Variants in KIF21B observed in about 807,000 individuals in gnomAD.
KIF21B encodes the protein kinesin family member 21B, also known as kinesin-like protein KIF21B.
Under a neutral mutation model 192.9 loss-of-function variants are expected in KIF21B, and 85 were observed. The ratio of observed to expected loss-of-function variants is 0.44; its 90% CI spans 0.37 to 0.53. The LOEUF is 0.53. Ranked by LOEUF, KIF21B falls within the 20% of genes least tolerant of loss-of-function variation. The pLI is 0.00. For missense variants in KIF21B, 1,716 were observed against 2,194.8 expected (o/e 0.78, Z 4.36); for synonymous variants, 832 against 884.6 (o/e 0.94, Z 1.05).
At position 201,002,299 on chromosome 1, in the gene KIF21B, G is replaced by C; in HGVS notation, c.1264C>G (p.Arg422Gly). ...DGAEGYSDLF[R>G]ENAMLQKENG... ...TCCTTCTGTAGCATGGCATTCTCTC[G>C]GAACAGATCACTATAGCCCTCAGCG... Residue 422 changes from arginine (R) to glycine (G), a missense_variant, in exon 9 of 35, where the codon CGA (arginine) becomes GGA (glycine). Arg to Gly is a moderately radical substitution (Grantham distance 125, BLOSUM62 -2). This residue lies in a region of KIF21B where 1,087 missense variants were observed against 1,316.6 expected (regional missense o/e 0.83). Coordinates refer to ENST00000461742, the MANE Select transcript of KIF21B (RefSeq NM_001252102.2). The C allele has an allele frequency of 1.2e-6, 2 of 1,614,160 alleles. No individual in the cohort carries two copies. Among genetic ancestry groups the C allele is most frequent in the Non-Finnish European group, 1.7e-6 (2 of 1,180,022 alleles).
chr1:201,023,267 GC>G lies in KIF21B; in HGVS notation c.41+75del. On this transcript the variant is annotated intron_variant, in intron 1 of 34. Transcript: ENST00000461742. The surrounding 1 kb of genome is among the most constrained non-coding windows in gnomAD (Gnocchi z 5.9). ...AGGCTCCAGCCCAAGCGGTGCTCGCGCCCCCCGCCCAAAGCCCACGCGAGAC... is the reference window on the plus strand; with the variant it reads ...AGGCTCCAGCCCAAGCGGTGCTCGCGCCCCCGCCCAAAGCCCACGCGAGAC... The G allele has an allele frequency of 1.2e-5, 16 of 1,317,726 alleles. No individual in the cohort carries two copies. The highest frequency in any genetic ancestry group is 5.9e-5 in the East Asian group (2 of 33,854). The allele number at this position is 1,317,726 out of a possible 1,614,324, so 81.6% of individuals were successfully genotyped here.
intron 15 of KIF21B, 115 bp downstream of exon 15, chr1:200,996,081 G>T: frequency 9.5e-7 from 1 of 1,056,740 alleles, no homozygotes. Flanking sequence ...TTAATGCTGT[G>T]TGTTGAGAAG....
intron 34 of KIF21B, chr1:200,974,014 C>T (rs772739491): frequency 6.4e-7 from 1 of 1,564,948 alleles, no homozygotes; most frequent in Non-Finnish European, 8.7e-7. Flanking sequence ...CGTTAAGAAG[C>T]AGCTCAGATC....
chr1:200,972,031 G>A lies in KIF21B; in HGVS notation c.*1490C>T, dbSNP rs905688499. The A allele has an allele frequency of 7.1e-6, 1 of 141,180 alleles. No homozygotes were observed. The highest frequency in any genetic ancestry group is 1.5e-5 in the Non-Finnish European group (1 of 64,788). 8.7% of individuals were successfully genotyped at this position (141,180 alleles called of 1,614,324 possible). A position where few individuals can be genotyped will look rare whatever the true frequency, so the allele number is the denominator to read the frequency against. ...GGAAGCACAAGACCAGCGATGCAAC[G>A]GAAAAACAGGGTGGGCAACTTTGGG... On this transcript the variant is annotated 3_prime_UTR_variant, in exon 35 of 35. Coordinates refer to ENST00000461742, the MANE Select transcript of KIF21B (RefSeq NM_001252102.2).
At chr1:200,989,892 G>A in intron 21 of KIF21B, 50 bp downstream of exon 21, 1 of 1,427,460 alleles carries the variant, frequency 7.0e-7, no homozygotes, top group Non-Finnish European at 9.9e-7. Context: ...GTATATCACA[G>A]AGGCATCTGT....
chr1:201,000,882 C>T lies in KIF21B; in HGVS notation c.1403-102G>A, dbSNP rs1337505383. 8 of 1,167,866 alleles carry T rather than the reference C, an allele frequency of 6.9e-6. No homozygotes were observed. The highest frequency in any genetic ancestry group is 5.0e-5 in the South Asian group (4 of 80,336). The allele number at this position is 1,167,866 out of a possible 1,614,324, so 72.3% of individuals were successfully genotyped here. ...CAGCACTTTGGGAGGCCAAGGCGGG[C>T]GGATCACCTGAGGCTGGGAGTTCGA... On this transcript the variant is annotated intron_variant, in intron 9 of 34. Transcript: ENST00000461742. This position sits in a 1 kb window ranked among gnomAD's most constrained non-coding sequence, Gnocchi z 6.0.
At chr1:200,979,448 G>A in intron 30 of KIF21B, 87 bp downstream of exon 30, 1 of 1,076,280 alleles carries the variant, frequency 9.3e-7, no homozygotes. Context: ...GCTGTGCTGT[G>A]CTGAGTGGGT....
In KIF21B at chr1:200,973,534, C is replaced by T; in HGVS notation, c.4859G>A (p.Ser1620Asn). ...KFWSVRRLPH[S>N]GPP ...CTGACCTCACTCCTAGGGTGGGCCG[C>T]TGTGGGGTAACCGCCGGACACTCCA... The change falls in exon 35 of 35, where the codon AGC becomes AAC. Residue 1620 changes from serine (S) to asparagine (N), a missense_variant. Physicochemically the swap from Ser to Asn is conservative, Grantham distance 46. This residue lies in a region of KIF21B where 580 missense variants were observed against 775.5 expected (regional missense o/e 0.75). Coordinates refer to ENST00000461742, the MANE Select transcript of KIF21B (RefSeq NM_001252102.2). The T allele has an allele frequency of 6.7e-7, 1 of 1,485,526 alleles. No homozygotes were observed. The highest frequency in any genetic ancestry group is 1.3e-5 in the South Asian group (1 of 75,562). The allele number at this position is 1,485,526 out of a possible 1,614,324, so 92.0% of individuals were successfully genotyped here. A position where few individuals can be genotyped will look rare whatever the true frequency, so the allele number is the denominator to read the frequency against.
intron 30 of KIF21B, 63 bp downstream of exon 30, chr1:200,979,472 A>T: frequency 1.5e-6 from 2 of 1,322,888 alleles, no homozygotes; most frequent in Non-Finnish European, 2.0e-6. Context: ...TTGGGCTGGG[A>T]GCATCTGTAC....
At chr1:201,015,713 G>A (rs1658466306) in intron 1 of KIF21B, among the ~76,000 whole-genome samples, 1 of 152,180 alleles carries the variant, frequency 6.6e-6, no homozygotes, top group South Asian at 2.1e-4. Context: ...TGGCACACAG[G>A]GGTCACTTAG....
Position 200,990,834 on chromosome 1 carries a change from C to G in KIF21B, c.2687+83G>C. ...CGGGGACCCGGAGCACTCCCCAGAG[C>G]TTCCCTCTTCCTCACCCTGGCCCTG... is the stretch of plus-strand genomic sequence containing the variant. On this transcript the variant is annotated intron_variant, in intron 18 of 34. Transcript: ENST00000461742. The surrounding 1 kb of genome is among the most constrained non-coding windows in gnomAD (Gnocchi z 5.4). The G allele has an allele frequency of 1.3e-6, 2 of 1,595,486 alleles. No individual in the cohort carries two copies. The highest frequency in any genetic ancestry group is 1.7e-6 in the Non-Finnish European group (2 of 1,166,212).
In KIF21B at chr1:200,988,815, C is replaced by G. The variant is rs1656480600; in HGVS notation, c.3249G>C (p.Lys1083Asn). 1 of 1,613,818 alleles carries G rather than the reference C, an allele frequency of 6.2e-7. No homozygotes were observed. Among genetic ancestry groups the G allele is most frequent in the Non-Finnish European group, 8.5e-7 (1 of 1,179,924 alleles). Residue 1083 changes from lysine to asparagine, a missense_variant, in exon 22 of 35, where the codon AAG (lysine) becomes AAC (asparagine). Around this residue, in one of 3 missense-constraint regions of KIF21B, gnomAD observed 580 missense variants for 775.5 expected, o/e 0.75. Transcript: ENST00000461742. ...CCTGCAGCTCGGGGTGAGCTTCAGC[C>G]TTCTCACGCAGGGCGTCCAGGAGCA... ...NHLLLDALREKAEAHPELQAL... is the reference protein window; with the variant it reads ...NHLLLDALRENAEAHPELQAL...
intron 30 of KIF21B, among the ~76,000 whole-genome samples, chr1:200,979,004 G>A (rs551972591): frequency 4.9e-4 from 75 of 152,164 alleles, no homozygotes; most frequent in Non-Finnish European, 9.8e-4. Flanking sequence ...TACTTCTTAA[G>A]GATCAAATTA....
At chr1:201,005,763 A>G in intron 3 of KIF21B, 69 bp from the exon 4 acceptor site, 1 of 1,487,370 alleles carries the variant, frequency 6.7e-7, no homozygotes, top group Non-Finnish European at 9.2e-7. Flanking sequence ...CCACATGCCT[A>G]TAAACCATAT....
intron 30 of KIF21B, among the ~76,000 whole-genome samples, chr1:200,979,284 G>A (rs1394523397): frequency 6.6e-6 from 1 of 152,172 alleles, no homozygotes; most frequent in Non-Finnish European, 1.5e-5. Flanking sequence ...GCAGGGCTTG[G>A]GGGACTGGGC....
In KIF21B at chr1:200,986,999, G is replaced by C; in HGVS notation, c.3611C>G (p.Thr1204Ser). 1 of 1,614,016 alleles carries C rather than the reference G, an allele frequency of 6.2e-7. No individual in the cohort carries two copies. Among genetic ancestry groups the C allele is most frequent in the Non-Finnish European group, 8.5e-7 (1 of 1,179,962 alleles). ...ACATTCCTGCTCCCATCCTTACAAA[G>C]TGCTGCCCCGGGTAGGCAGACTGAC... ...RTVSLPTRGS[T>S]FPRQSRATET... is the part of the protein sequence containing the mutation. Residue 1204 changes from threonine to serine, a missense_variant, in exon 25 of 35, where the codon ACT (threonine) becomes AGT (serine). By Grantham distance (58) the Thr-to-Ser change is moderately conservative (BLOSUM62 1). This residue lies in a region of KIF21B where 580 missense variants were observed against 775.5 expected (regional missense o/e 0.75). Coordinates refer to ENST00000461742, the MANE Select transcript of KIF21B (RefSeq NM_001252102.2).
intron 34 of KIF21B, among the ~76,000 whole-genome samples, chr1:200,974,418 GC>G (rs1459908048): frequency 6.6e-6 from 1 of 152,138 alleles, no homozygotes; most frequent in African/African-American, 2.4e-5. Context: ...AGAGATACCT[GC>G]ACGGGGGAAG....
At position 200,999,805 on chromosome 1, in the gene KIF21B, T is replaced by G. The variant is rs1352812863; in HGVS notation, c.1767+78A>C. The G allele has an allele frequency of 1.4e-6, 2 of 1,407,530 alleles. No homozygotes were observed. Among genetic ancestry groups the G allele is most frequent in the Non-Finnish European group, 2.0e-6 (2 of 999,054 alleles). 87.2% of individuals were successfully genotyped at this position (1,407,530 alleles called of 1,614,324 possible). ...CCGCCTCCTTCACTCCATACAAGGA[T>G]GCGGATGGGGCCCCCGCCAACCCCA... On this transcript the variant is annotated intron_variant, in intron 12 of 34. Transcript: ENST00000461742. The surrounding 1 kb of genome is among the most constrained non-coding windows in gnomAD (Gnocchi z 4.7).
chr1:201,007,821 A>G (rs988374321), intron 3 of KIF21B, among the ~76,000 whole-genome samples: 2 of 152,020 alleles, frequency 1.3e-5, no homozygotes, highest in East Asian at 3.9e-4. Context: ...GACACACAAG[A>G]CACAGAGCCA....
Sources: allele counts gnomAD v4.1 joint callset (sites outside exome capture counted in the v4.1 genomes callset), GRCh38; gene constraint gnomAD v4.1.1; regional missense constraint gnomAD v4.1.1; non-coding constraint Gnocchi (gnomAD v3.1); transcripts MANE v1.5; gene names NCBI Gene and HGNC (gene_info 2026-07-23, HGNC 2026-07-21).